CTNND2: variants seen among roughly 807,000 people sequenced by gnomAD.
CTNND2 encodes catenin delta-2.
CTNND2 carries 22 observed loss-of-function variants against 144.4 expected under a neutral mutation model. The observed-to-expected ratio is 0.15, with a 90% CI of 0.11 to 0.22. The LOEUF (loss-of-function observed/expected upper bound fraction) is 0.22. CTNND2 is among the 10% of genes least tolerant of loss of function. The pLI is 1.00. For missense variants in CTNND2, 1,353 were observed against 1,618.8 expected, an observed-to-expected ratio of 0.84 and a Z score of 2.82; for synonymous variants, 751 against 695.6, an observed-to-expected ratio of 1.08 and a Z score of -1.25.
chr5:11,408,042 T>C (rs1256653973), intron 5 of CTNND2, among the ~76,000 whole-genome samples: 3 of 152,054 alleles, frequency 2.0e-5, no homozygotes. Flanking sequence ...ATGACATTGA[T>C]TCCCCGCTTG....
chr5:10,990,932 C>T (rs947852066), intron 19 of CTNND2, among the ~76,000 whole-genome samples: 1 of 152,210 alleles, frequency 6.6e-6, no homozygotes, highest in Non-Finnish European at 1.5e-5. Flanking sequence ...GATTGGCTCA[C>T]TGTAATTCTT....
intron 16 of CTNND2, among the ~76,000 whole-genome samples, chr5:11,073,149 AAAT>A (rs1748531814): frequency 1.3e-5 from 2 of 152,268 alleles, no homozygotes; most frequent in African/African-American, 4.8e-5. Flanking sequence ...TCAAGAGTAA[AAAT>A]AATAATTTCT....
chr5:11,041,202 A>G (rs1296350295), intron 16 of CTNND2, among the ~76,000 whole-genome samples: 1 of 152,202 alleles, frequency 6.6e-6, no homozygotes, highest in Non-Finnish European at 1.5e-5. Context: ...ATCAGACCCA[A>G]TTAAGGATAT....
chr5:11,886,898 G>A (rs1323511877), intron 1 of CTNND2, among the ~76,000 whole-genome samples: 3 of 149,266 alleles, frequency 2.0e-5, no homozygotes, highest in South Asian at 4.3e-4. Flanking sequence ...CAAAATACCT[G>A]AGCAATTTTA....
chr5:11,173,475 T>C (rs1440309280), intron 11 of CTNND2, among the ~76,000 whole-genome samples: 3 of 152,230 alleles, frequency 2.0e-5, no homozygotes, highest in African/African-American at 7.2e-5. Flanking sequence ...TGAGTGTTCT[T>C]TTCATGTCCT....
At chr5:11,073,094 T>C (rs1230363350) in intron 16 of CTNND2, among the ~76,000 whole-genome samples, 2 of 152,228 alleles carry the variant, frequency 1.3e-5, no homozygotes, top group African/African-American at 2.4e-5. Flanking sequence ...AAAGAATTCA[T>C]CTTTAAACGT....
intron 9 of CTNND2, among the ~76,000 whole-genome samples, chr5:11,296,089 C>CA (rs111605536): frequency 0.79 from 101,843 of 129,010 alleles, 37,345 homozygotes; most frequent in East Asian, 0.89. Flanking sequence ...ACTCATCTGA[C>CA]AAGTACTAAT....
In CTNND2 at chr5:11,596,222, C is replaced by A. The variant is rs577678612; in HGVS notation, c.175-31166G>T. On this transcript the variant is annotated intron_variant, in intron 2 of 21. Transcript: ENST00000304623. ...AGAAATAACTCGACTTGTTTGACTA[C>A]TAAGAATACTGCATCCTAATCACCC... 2.0e-5 allele frequency among the ~76,000 whole-genome samples: 3 copies of A among 152,298 alleles called. No homozygotes were observed. In the South Asian group the frequency reaches 6.2e-4, roughly 32 times the overall value.
intron 2 of CTNND2, among the ~76,000 whole-genome samples, chr5:11,574,109 A>C (rs1777786212): frequency 6.6e-6 from 1 of 152,126 alleles, no homozygotes; most frequent in Non-Finnish European, 1.5e-5. Flanking sequence ...GAAGACACAA[A>C]TGTGGAGGCA....
chr5:11,703,801 G>A (rs184128858), intron 2 of CTNND2, among the ~76,000 whole-genome samples: 3 of 152,042 alleles, frequency 2.0e-5, no homozygotes, highest in Non-Finnish European at 4.4e-5. Context: ...CAAATAATTC[G>A]ATTTTGGAAT....
chr5:11,321,712 T>TATGCACCACACAC (rs1752051832), intron 9 of CTNND2, among the ~76,000 whole-genome samples: 1 of 151,968 alleles, frequency 6.6e-6, no homozygotes, highest in African/African-American at 2.4e-5. Flanking sequence ...CCAATGCACA[T>TATGCACCACACAC]ATGCACCACA....
rs76443995 is a variant in CTNND2 at position 11,184,908 on chromosome 5, C to T, written c.1975+14540G>A. ...CCAGACTGTTTGAACCCGCAGCACT[C>T]GGACTCAATGCAAGGAGAGTGGCAA... is the stretch of plus-strand genomic sequence containing the variant. On this transcript the variant is annotated intron_variant, in intron 11 of 21. Transcript: ENST00000304623. Among the ~76,000 whole-genome samples the T allele has an allele frequency of 2.2e-3, 338 of 152,258 alleles. 2 individuals carry two copies. The highest frequency in any genetic ancestry group is 7.5e-3 in the African/African-American group (312 of 41,560).
At chr5:11,233,108 T>A (rs962112743) in intron 10 of CTNND2, among the ~76,000 whole-genome samples, 4 of 152,170 alleles carry the variant, frequency 2.6e-5, no homozygotes, top group Admixed American at 2.6e-4. Flanking sequence ...CTCTTCTTTA[T>A]AAACTGCTCA....
intron 1 of CTNND2, among the ~76,000 whole-genome samples, chr5:11,849,379 C>G (rs537719746): frequency 2.0e-5 from 3 of 152,138 alleles, no homozygotes; most frequent in African/African-American, 7.2e-5. Flanking sequence ...CCATATCAGA[C>G]AGAAAGAGAA....
chr5:11,205,207 A>G (rs1737918285), intron 10 of CTNND2, among the ~76,000 whole-genome samples: 1 of 152,170 alleles, frequency 6.6e-6, no homozygotes, highest in African/African-American at 2.4e-5. Flanking sequence ...CATATCATAT[A>G]TACACACATA....
chr5:11,345,294 G>A (rs573372522), intron 9 of CTNND2, among the ~76,000 whole-genome samples: 391 of 152,254 alleles, frequency 2.6e-3, no homozygotes, highest in African/African-American at 8.9e-3. Flanking sequence ...GAATGCTTCC[G>A]ATTTCTGGTA....
chr5:11,587,475 T>A (rs1170158940), intron 2 of CTNND2, among the ~76,000 whole-genome samples: 4 of 151,992 alleles, frequency 2.6e-5, no homozygotes, highest in Admixed American at 1.3e-4. Flanking sequence ...TTCTTTAAAA[T>A]AAAAATATCC....
At chr5:11,718,355 G>A (rs753865748) in intron 2 of CTNND2, among the ~76,000 whole-genome samples, 2 of 152,128 alleles carry the variant, frequency 1.3e-5, no homozygotes, top group Non-Finnish European at 2.9e-5. Flanking sequence ...GGAAACCCCA[G>A]AACTTCATGT....
intron 2 of CTNND2, among the ~76,000 whole-genome samples, chr5:11,631,963 G>T: frequency 6.6e-6 from 1 of 152,280 alleles, no homozygotes; most frequent in South Asian, 2.1e-4. Flanking sequence ...CATATGAACA[G>T]AGAGTTCCAG....
Sources: gnomAD v4.1 joint callset for allele counts (sites outside exome capture counted in the v4.1 genomes callset) on GRCh38, gnomAD v4.1.1 for gene constraint, MANE v1.5 for transcripts, NCBI Gene and HGNC (gene_info 2026-07-23, HGNC 2026-07-21) for gene names.